The following IMMP2L variants were observed in gnomAD, a reference collection of about 807,000 sequenced individuals.
IMMP2L encodes the protein inner mitochondrial membrane peptidase subunit 2.
IMMP2L carries 18 observed loss-of-function variants against 19.3 expected under a neutral mutation model. The ratio of observed to expected loss-of-function variants is 0.93; its 90% confidence interval spans 0.64 to 1.38. IMMP2L has a LOEUF of 1.38. IMMP2L is among the 40% of genes most tolerant of loss of function. The probability of loss-of-function intolerance (pLI) is 0.00; values close to 1 mark genes in which losing one functional copy is unlikely to be tolerated. For synonymous variants in IMMP2L, 76 were observed against 73.0 expected (o/e 1.04, Z -0.21); for missense variants, 233 against 218.2 (o/e 1.07, Z -0.43).
chr7:111,308,045 T>C (rs768210326), intron 3 of IMMP2L, among the ~76,000 whole-genome samples: 9 of 151,988 alleles, frequency 5.9e-5, no homozygotes, highest in Non-Finnish European at 1.3e-4. Flanking sequence ...ATAGTTCAAC[T>C]CAGTCTCTTA....
intron 5 of IMMP2L, among the ~76,000 whole-genome samples, chr7:110,677,782 G>A (rs778918032): frequency 1.6e-4 from 24 of 152,086 alleles, no homozygotes; most frequent in Non-Finnish European, 2.9e-4. Flanking sequence ...GAGTGGAGAA[G>A]GGAGGCTCTG....
At chr7:110,822,231 T>C (rs1803097855) in intron 5 of IMMP2L, among the ~76,000 whole-genome samples, 1 of 152,168 alleles carries the variant, frequency 6.6e-6, no homozygotes, top group Non-Finnish European at 1.5e-5. Context: ...CAATCTTACA[T>C]TGTCAACTCA....
chr7:111,497,602 A>G (rs1353803664), intron 2 of IMMP2L, among the ~76,000 whole-genome samples: 2 of 152,148 alleles, frequency 1.3e-5, no homozygotes, highest in East Asian at 1.9e-4. Context: ...AGGACGGAAG[A>G]AAAAAGGGAA....
chr7:110,977,724 T>G (rs1820848546), intron 3 of IMMP2L, among the ~76,000 whole-genome samples: 1 of 151,904 alleles, frequency 6.6e-6, no homozygotes, highest in South Asian at 2.1e-4. Flanking sequence ...TTTTCCTCTT[T>G]CCCTTCTTTC....
intron 5 of IMMP2L, among the ~76,000 whole-genome samples, chr7:110,778,697 G>A (rs1343510686): frequency 2.6e-5 from 4 of 151,908 alleles, no homozygotes; most frequent in African/African-American, 7.2e-5. Flanking sequence ...TTTAAAATAA[G>A]GTAAGCAGAG....
intron 1 of IMMP2L, among the ~76,000 whole-genome samples, chr7:111,525,300 G>A: frequency 6.6e-6 from 1 of 152,228 alleles, no homozygotes; most frequent in East Asian, 1.9e-4. Context: ...CTGAAGGGAG[G>A]CTGGTGCAGA....
At chr7:111,138,779 G>C (rs780672629) in intron 3 of IMMP2L, among the ~76,000 whole-genome samples, 1 of 152,124 alleles carries the variant, frequency 6.6e-6, no homozygotes, top group Non-Finnish European at 1.5e-5. Context: ...AAGATAGTTA[G>C]TTGTTTTGCC....
intron 3 of IMMP2L, among the ~76,000 whole-genome samples, chr7:110,974,989 G>C (rs1419784725): frequency 2.6e-5 from 4 of 151,994 alleles, no homozygotes. Context: ...GCAATGTTCA[G>C]AGGAGTCCTA....
At chr7:110,908,633 T>C (rs138759872) in intron 4 of IMMP2L, among the ~76,000 whole-genome samples, 1,708 of 152,356 alleles carry the variant, frequency 0.011, 20 homozygotes, top group South Asian at 0.021. Flanking sequence ...CAAACATCAA[T>C]TTTTGACTAA....
intron 5 of IMMP2L, among the ~76,000 whole-genome samples, chr7:110,866,082 T>A (rs1430120898): frequency 1.3e-5 from 2 of 152,002 alleles, no homozygotes; most frequent in African/African-American, 4.8e-5. Context: ...TTTAAAGACA[T>A]GATTGACATT....
At chr7:111,005,272 T>C (rs1401169514) in intron 3 of IMMP2L, among the ~76,000 whole-genome samples, 1 of 152,154 alleles carries the variant, frequency 6.6e-6, no homozygotes, top group East Asian at 1.9e-4. Context: ...AATTGTTTCA[T>C]CCTTATGCTA....
chr7:110,820,878 GCT>G (rs1320710544), intron 5 of IMMP2L, among the ~76,000 whole-genome samples: 1 of 151,882 alleles, frequency 6.6e-6, no homozygotes, highest in East Asian at 1.9e-4. Flanking sequence ...ACTTTCCTGA[GCT>G]CTCTTTTCCT....
chr7:110,700,543 T>C (rs1794210014), intron 5 of IMMP2L, among the ~76,000 whole-genome samples: 1 of 152,132 alleles, frequency 6.6e-6, no homozygotes, highest in Admixed American at 6.5e-5. Context: ...CATAGCCAGG[T>C]CTCCTGGTCA....
At chr7:111,318,687 C>T (rs536401912) in intron 3 of IMMP2L, among the ~76,000 whole-genome samples, 1 of 151,960 alleles carries the variant, frequency 6.6e-6, no homozygotes, top group Non-Finnish European at 1.5e-5. Flanking sequence ...AAGACAATAC[C>T]TTACCAAGCC....
In IMMP2L at chr7:111,062,928, G is replaced by A. The variant is rs1043492980; in HGVS notation, c.240-99363C>T. ...TCATGGGCTGGAATTGAGTGACTGC[G>A]GCTTTTCCAGGCACATGGTGCAAGT... On this transcript the variant is annotated intron_variant, in intron 3 of 5. Coordinates refer to ENST00000405709, the MANE Select transcript of IMMP2L (RefSeq NM_032549.4). Among the ~76,000 whole-genome samples the A allele has an allele frequency of 7.9e-5, 12 of 152,304 alleles. No individual in the cohort carries two copies. In the South Asian group the frequency reaches 1.4e-3, roughly 18 times the overall value.
At chr7:110,761,543 T>C (rs1447922862) in intron 5 of IMMP2L, among the ~76,000 whole-genome samples, 3 of 152,162 alleles carry the variant, frequency 2.0e-5, no homozygotes, top group East Asian at 1.9e-4. Context: ...GAAGTAGATA[T>C]GCATCAATCA....
chr7:110,847,912 C>T lies in IMMP2L; in HGVS notation c.408+38681G>A, dbSNP rs546083115. ...TTTACACCCTTTACAAAAATTAACTCAAAATCAATCATAGACCTAAATGTA... is the reference window on the plus strand; with the variant it reads ...TTTACACCCTTTACAAAAATTAACTTAAAATCAATCATAGACCTAAATGTA... On this transcript the variant is annotated intron_variant, in intron 5 of 5. Transcript: ENST00000405709. Among the ~76,000 whole-genome samples the T allele has an allele frequency of 2.6e-5, 4 of 152,194 alleles. No individual in the cohort carries two copies. In the East Asian group the frequency reaches 5.8e-4, roughly 22 times the overall value.
chr7:111,380,834 T>C (rs1248970468), intron 3 of IMMP2L, among the ~76,000 whole-genome samples: 2 of 152,022 alleles, frequency 1.3e-5, no homozygotes. Flanking sequence ...ATACCAGGCA[T>C]AAACTGCTAA....
chr7:111,366,948 T>C (rs954299586), intron 3 of IMMP2L, among the ~76,000 whole-genome samples: 7 of 151,830 alleles, frequency 4.6e-5, no homozygotes, highest in Non-Finnish European at 7.4e-5. Context: ...TAGAAGAATA[T>C]AGGTATTCTT....
Sources: allele counts gnomAD v4.1 joint callset (sites outside exome capture counted in the v4.1 genomes callset), GRCh38; gene constraint gnomAD v4.1.1; transcripts MANE v1.5; gene names NCBI Gene and HGNC (gene_info 2026-07-23, HGNC 2026-07-21).